RORA: variants seen among roughly 807,000 people sequenced by gnomAD.
RORA encodes nuclear receptor ROR-alpha.
Under a neutral mutation model 69.5 loss-of-function variants are expected in RORA, and 7 were observed. The ratio of observed to expected loss-of-function variants is 0.10; its 90% CI spans 0.06 to 0.19. The LOEUF is 0.19. RORA is among the 10% of genes least tolerant of loss of function. The pLI, the probability that RORA is intolerant of heterozygous loss-of-function variation, is 1.00. For missense variants in RORA, 457 were observed against 663.0 expected (o/e 0.69, Z 3.41); for synonymous variants, 261 against 240.8 (o/e 1.08, Z -0.78).
intron 2 of RORA, among the ~76,000 whole-genome samples, chr15:60,539,605 C>T (rs1432261620): frequency 6.6e-6 from 1 of 152,158 alleles, no homozygotes; most frequent in Non-Finnish European, 1.5e-5. Flanking sequence ...GAGTGAAAGA[C>T]CTGAACAGCA....
At chr15:60,891,804 T>A (rs1176657706) in intron 1 of RORA, among the ~76,000 whole-genome samples, 1 of 152,230 alleles carries the variant, frequency 6.6e-6, no homozygotes, top group Non-Finnish European at 1.5e-5. Flanking sequence ...TTCTTTGTGC[T>A]AAGAAAATCC....
chr15:60,747,719 G>C (rs1385781539), intron 1 of RORA, among the ~76,000 whole-genome samples: 3 of 152,132 alleles, frequency 2.0e-5, no homozygotes, highest in African/African-American at 7.2e-5. Flanking sequence ...GCAAGGCAAG[G>C]AGCAGAATAT....
chr15:61,113,002 G>A (rs1420563936), intron 1 of RORA, among the ~76,000 whole-genome samples: 7 of 152,234 alleles, frequency 4.6e-5, no homozygotes, highest in African/African-American at 1.7e-4. Context: ...GGACGAGAAT[G>A]AATGGGCAGG....
chr15:61,092,130 T>A (rs1190508205), intron 1 of RORA, among the ~76,000 whole-genome samples: 2 of 152,252 alleles, frequency 1.3e-5, no homozygotes, highest in African/African-American at 4.8e-5. Flanking sequence ...GGATGCTTAA[T>A]AAATCATCAA....
intron 1 of RORA, among the ~76,000 whole-genome samples, chr15:60,714,478 C>T (rs1364642249): frequency 1.3e-5 from 2 of 152,082 alleles, no homozygotes; most frequent in African/African-American, 4.8e-5. Flanking sequence ...GATTCTCCTG[C>T]CTCAGCCTCC....
At chr15:61,215,588 AT>A (rs969706334) in intron 1 of RORA, among the ~76,000 whole-genome samples, 19 of 152,294 alleles carry the variant, frequency 1.2e-4, no homozygotes, top group African/African-American at 3.6e-4. Flanking sequence ...TAAGCCAAGC[AT>A]TTTTTTATGC....
chr15:60,843,001 C>T (rs1238089075), intron 1 of RORA, among the ~76,000 whole-genome samples: 2 of 152,052 alleles, frequency 1.3e-5, no homozygotes, highest in Non-Finnish European at 2.9e-5. Context: ...CTTTCTCTGT[C>T]CACCCTTCTC....
intron 1 of RORA, among the ~76,000 whole-genome samples, chr15:60,993,838 T>C (rs1367209792): frequency 6.6e-6 from 1 of 152,072 alleles, no homozygotes; most frequent in African/African-American, 2.4e-5. Flanking sequence ...TACTAGTAGC[T>C]TGGATAAAGA....
chr15:60,508,012 A>T (rs1157925900), intron 5 of RORA, among the ~76,000 whole-genome samples: 1 of 152,256 alleles, frequency 6.6e-6, no homozygotes, highest in Non-Finnish European at 1.5e-5. Flanking sequence ...CATTCACACC[A>T]TCTGCTCACC....
At chr15:60,819,623 T>C (rs991582259) in intron 1 of RORA, among the ~76,000 whole-genome samples, 6 of 152,106 alleles carry the variant, frequency 3.9e-5, no homozygotes, top group Non-Finnish European at 5.9e-5. Context: ...GGCTCGTCTG[T>C]TGGGTGGGAG....
intron 2 of RORA, among the ~76,000 whole-genome samples, chr15:60,612,169 C>A (rs2069106516): frequency 6.6e-6 from 1 of 152,230 alleles, no homozygotes; most frequent in Admixed American, 6.5e-5. Context: ...AACTAACATA[C>A]AACAGATGTC....
chr15:60,953,698 T>C (rs1050206456), intron 1 of RORA, among the ~76,000 whole-genome samples: 2 of 150,990 alleles, frequency 1.3e-5, no homozygotes, highest in African/African-American at 2.4e-5. Flanking sequence ...AAAATGCTCA[T>C]CATCACTGGC....
chr15:60,582,002 C>G (rs925296060), intron 2 of RORA, among the ~76,000 whole-genome samples: 1 of 152,128 alleles, frequency 6.6e-6, no homozygotes, highest in African/African-American at 2.4e-5. Flanking sequence ...TACTGTGGTA[C>G]GCAATGGTTA....
At chr15:61,166,358 C>A (rs191570258) in intron 1 of RORA, among the ~76,000 whole-genome samples, 2 of 152,060 alleles carry the variant, frequency 1.3e-5, no homozygotes, top group African/African-American at 4.8e-5. Flanking sequence ...AATTTCCCCA[C>A]GTCAGCCTTG....
At chr15:60,871,601 C>T (rs2073556836) in intron 1 of RORA, among the ~76,000 whole-genome samples, 1 of 152,148 alleles carries the variant, frequency 6.6e-6, no homozygotes, top group African/African-American at 2.4e-5. Flanking sequence ...GGAAATATTG[C>T]CCCTATATTC....
intron 1 of RORA, among the ~76,000 whole-genome samples, chr15:61,223,981 A>AC (rs1484023596): frequency 1.3e-5 from 2 of 148,546 alleles, no homozygotes; most frequent in Non-Finnish European, 3.0e-5. Context: ...TTCTAAACCA[A>AC]CACTTCCTGC....
chr15:61,132,908 A>C (rs1408313280), intron 1 of RORA, among the ~76,000 whole-genome samples: 1 of 152,214 alleles, frequency 6.6e-6, no homozygotes, highest in Admixed American at 6.5e-5. Flanking sequence ...TGCTGAATAA[A>C]TCCGGCTATA....
At chr15:60,578,199 T>C (rs1462020635) in intron 2 of RORA, among the ~76,000 whole-genome samples, 2 of 152,230 alleles carry the variant, frequency 1.3e-5, no homozygotes, top group African/African-American at 4.8e-5. Context: ...TACCTACATA[T>C]ATTTTTATAA....
chr15:60,809,789 G>GTT lies in RORA; in HGVS notation c.167-131105_167-131104dup, dbSNP rs34269284. 1.3e-3 allele frequency among the ~76,000 whole-genome samples: 198 copies of GTT among 150,134 alleles called. 1 individual carries two copies. In the East Asian group the frequency reaches 0.014, roughly 10 times the overall value. ...TTCTCTCTTTTCTGTATAATATTATGTTTTTTTTTTCTGGCATTAATAATT... is the reference window on the plus strand; with the variant it reads ...TTCTCTCTTTTCTGTATAATATTATGTTTTTTTTTTTTCTGGCATTAATAATT... On this transcript the variant is annotated intron_variant, in intron 1 of 10. Transcript: ENST00000335670.
Sources: gnomAD v4.1 joint callset for allele counts (sites outside exome capture counted in the v4.1 genomes callset) on GRCh38, gnomAD v4.1.1 for gene constraint, MANE v1.5 for transcripts, NCBI Gene and HGNC (gene_info 2026-07-23, HGNC 2026-07-21) for gene names.